The following RPL37A variants were observed in gnomAD, a reference collection of about 807,000 sequenced individuals.
The protein encoded by RPL37A is large ribosomal subunit protein eL43.
Under a neutral mutation model 13.6 loss-of-function variants are expected in RPL37A, and 5 were observed. The observed-to-expected ratio is 0.37, with a 90% CI of 0.19 to 0.78. The LOEUF (loss-of-function observed/expected upper bound fraction) is 0.78, where lower values mean the gene tolerates loss of function less well. Among genes scored for constraint, RPL37A ranks in the 30% least tolerant of loss-of-function variants. The probability of loss-of-function intolerance (pLI) is 0.49; values close to 1 mark genes in which losing one functional copy is unlikely to be tolerated. For missense variants in RPL37A, 77 were observed against 120.0 expected (o/e 0.64, Z 1.67); for synonymous variants, 50 against 44.4 (o/e 1.13, Z -0.50).
At position 216,503,095 on chromosome 2, in the gene RPL37A, TCTC is replaced by T. The variant is rs1164726161; in HGVS notation, c.*1694_*1696del. ...GGAATGACACAGCTCTCCAGGTGAA[TCTC>T]CTGGAGAATTCTCCATAGGATCTCC... On this transcript the variant is annotated 3_prime_UTR_variant, in exon 4 of 4. Coordinates refer to ENST00000491306, the MANE Select transcript of RPL37A (RefSeq NM_000998.5). 1.3e-5 allele frequency: 2 copies of T among 152,082 alleles called. No individual in the cohort carries two copies. Among genetic ancestry groups the T allele is most frequent in the East Asian group, 3.9e-4 (2 of 5,180 alleles). The allele number at this position is 152,082 out of a possible 1,614,324, so 9.4% of individuals were successfully genotyped here.
At chr2:216,501,214 C>G in intron 3 of RPL37A, 127 bp from the exon 4 acceptor site, 1 of 673,364 alleles carries the variant, frequency 1.5e-6, no homozygotes, top group Non-Finnish European at 2.7e-6. Flanking sequence ...AGCAGTCTAT[C>G]TCAGTATAAT....
chr2:216,500,399 A>T lies in RPL37A; in HGVS notation c.215+368A>T, dbSNP rs79009217. The stretch of plus-strand genomic sequence containing the variant: ...AAGGGGTCAGTTAGTTCAAAACTGT[A>T]TTTGGAACTTGAGGCCATCAGGACC... On this transcript the variant is annotated intron_variant, in intron 3 of 3. Coordinates refer to ENST00000491306, the MANE Select transcript of RPL37A (RefSeq NM_000998.5). 6 of 287,822 alleles carry T rather than the reference A, an allele frequency of 2.1e-5. 1 individual carries two copies. Among genetic ancestry groups the T allele is most frequent in the South Asian group, 1.8e-4 (5 of 27,126 alleles). The allele number at this position is 287,822 out of a possible 1,614,324, so 17.8% of individuals were successfully genotyped here. A position where few individuals can be genotyped will look rare whatever the true frequency, so the allele number is the denominator to read the frequency against.
Position 216,502,405 on chromosome 2 carries a change from CCATCAG to C in RPL37A, c.*1006_*1011del, listed in dbSNP as rs1695615320. 1 of 152,226 alleles carries C rather than the reference CCATCAG, an allele frequency of 6.6e-6. No individual in the cohort carries two copies. Among genetic ancestry groups the C allele is most frequent in the Non-Finnish European group, 1.5e-5 (1 of 68,038 alleles). 9.4% of individuals were successfully genotyped at this position (152,226 alleles called of 1,614,324 possible). On this transcript the variant is annotated 3_prime_UTR_variant, in exon 4 of 4. Coordinates refer to ENST00000491306, the MANE Select transcript of RPL37A (RefSeq NM_000998.5). ...TCTATGATGTTTCATTTGACCTACACCATCAGCATCTTCAGGAAACAGTATGAAACT... is the reference window on the plus strand; with the variant it reads ...TCTATGATGTTTCATTTGACCTACACCATCTTCAGGAAACAGTATGAAACT...
rs1328709174 is a variant in RPL37A, at chr2:216,502,997, T to C, written c.*1593T>C. 6.6e-6 allele frequency: 1 copy of C among 152,112 alleles called. No homozygotes were observed. The highest frequency in any genetic ancestry group is 1.5e-5 in the Non-Finnish European group (1 of 68,030). The allele number at this position is 152,112 out of a possible 1,614,324, so 9.4% of individuals were successfully genotyped here. On this transcript the variant is annotated 3_prime_UTR_variant, in exon 4 of 4. Transcript: ENST00000491306. The stretch of plus-strand genomic sequence containing the variant: ...CAAAATGGTACTCCTACTGATTTTG[T>C]AATGTGAAGCAAGTACTGTGGGTCA...
chr2:216,499,865 A>T (rs552232224), intron 2 of RPL37A, 84 bp from the exon 3 acceptor site: 2 of 1,152,552 alleles, frequency 1.7e-6, no homozygotes, highest in African/African-American at 3.0e-5. Flanking sequence ...CCTGACAATA[A>T]GGTGAATCCA....
intron 3 of RPL37A, chr2:216,501,024 T>TAA (rs879316825): frequency 1.0e-5 from 2 of 199,278 alleles, no homozygotes; most frequent in Non-Finnish European, 1.0e-5. Flanking sequence ...GAGTTACTTA[T>TAA]AAAAAAAAAA....
rs752039027 is a variant in RPL37A at position 216,499,965 on chromosome 2, G to A, written c.149G>A (p.Arg50Gln). Residue 50 changes from arginine to glutamine, a missense_variant, in exon 3 of 4, where the codon CGA becomes CAA. Transcript: ENST00000491306. Reference protein sequence around the residue: ...SFCGKTKMKRRAVGIWHCGSC... With the variant: ...SFCGKTKMKRQAVGIWHCGSC... ...CTTTTATAGACCAAGATGAAGAGAC[G>A]AGCTGTGGGGATCTGGCACTGTGGT... is the stretch of plus-strand genomic sequence containing the variant. The A allele has an allele frequency of 6.8e-6, 11 of 1,613,928 alleles. No homozygotes were observed. The highest frequency in any genetic ancestry group is 3.3e-5 in the South Asian group (3 of 91,086).
At chr2:216,500,351 G>A in intron 3 of RPL37A, 1 of 348,766 alleles carries the variant, frequency 2.9e-6, no homozygotes, top group East Asian at 6.3e-5. Context: ...GATTTGCACT[G>A]CAAGTTTTGA....
At chr2:216,500,245 G>A (rs1413651467) in intron 3 of RPL37A, 5 of 586,168 alleles carry the variant, frequency 8.5e-6, no homozygotes, top group Non-Finnish European at 1.2e-5. Flanking sequence ...CTAATTCACA[G>A]ACTACTTTAG....
chr2:216,499,013 G>A, intron 1 of RPL37A, 136 bp downstream of exon 1: 2 of 1,377,174 alleles, frequency 1.5e-6, no homozygotes, highest in South Asian at 1.2e-5. Flanking sequence ...AGACACCATT[G>A]TCGGAAGCTC....
rs960975327 is a variant in RPL37A, at chr2:216,503,713, T to A, written c.*2309T>A. On this transcript the variant is annotated 3_prime_UTR_variant, in exon 4 of 4. Coordinates refer to ENST00000491306, the MANE Select transcript of RPL37A (RefSeq NM_000998.5). ...CTCACCCAGCCATGTATTGCTTTTT[T>A]ATGACAGTTAAAAGAGGAAAGGGCG... 6.6e-6 allele frequency: 1 copy of A among 152,252 alleles called. No individual in the cohort carries two copies. Among genetic ancestry groups the A allele is most frequent in the South Asian group, 2.1e-4 (1 of 4,836 alleles). 9.4% of individuals were successfully genotyped at this position (152,252 alleles called of 1,614,324 possible).
At chr2:216,499,200 G>A in intron 1 of RPL37A, 70 bp from the exon 2 acceptor site, 2 of 1,527,208 alleles carry the variant, frequency 1.3e-6, no homozygotes, top group South Asian at 1.2e-5. Context: ...GTGGAGGAAC[G>A]GTGTGTGGAG....
intron 3 of RPL37A, chr2:216,501,138 C>G: frequency 2.1e-6 from 1 of 469,202 alleles, no homozygotes; most frequent in Non-Finnish European, 3.8e-6. Context: ...TTAGAAGCCA[C>G]TAATTTCCGA....
chr2:216,498,973 T>C, intron 1 of RPL37A, 96 bp downstream of exon 1: 1 of 1,515,066 alleles, frequency 6.6e-7, no homozygotes, highest in Non-Finnish European at 9.2e-7. Flanking sequence ...CCTTACCCCG[T>C]GTTCTCTCCT....
At chr2:216,499,769 A>G (rs1574497094) in intron 2 of RPL37A, 180 bp from the exon 3 acceptor site, 5 of 718,402 alleles carry the variant, frequency 7.0e-6, no homozygotes, top group Non-Finnish European at 1.3e-5. Flanking sequence ...TTTTTGTTTG[A>G]TAAAGGTTTG....
At chr2:216,499,851 C>T in intron 2 of RPL37A, 98 bp from the exon 3 acceptor site, 1 of 1,022,702 alleles carries the variant, frequency 9.8e-7, no homozygotes, top group Non-Finnish European at 1.5e-6. Flanking sequence ...GAGGCTTTCA[C>T]ATCCCTGACA....
At chr2:216,499,111 C>T in intron 1 of RPL37A, 159 bp from the exon 2 acceptor site, 2 of 1,202,204 alleles carry the variant, frequency 1.7e-6, no homozygotes, top group Non-Finnish European at 2.3e-6. Flanking sequence ...GCGGCCAGCC[C>T]TGGGCACTGG....
intron 3 of RPL37A, chr2:216,500,784 C>G (rs1001934509): frequency 2.0e-5 from 3 of 152,182 alleles, no homozygotes; most frequent in Admixed American, 6.5e-5. Context: ...AGGTATAGTT[C>G]CTGAATTTTA....
chr2:216,499,512 T>C, intron 2 of RPL37A, 114 bp downstream of exon 2: 1 of 1,228,514 alleles, frequency 8.1e-7, no homozygotes, highest in South Asian at 1.5e-5. Flanking sequence ...TTGGAATTAC[T>C]CATACCGTTG....
Sources: allele counts gnomAD v4.1 joint callset, GRCh38; gene constraint gnomAD v4.1.1; transcripts MANE v1.5; gene names NCBI Gene and HGNC (gene_info 2026-07-23, HGNC 2026-07-21).